Variants in TOX observed in about 807,000 individuals in gnomAD.
The protein encoded by TOX is thymocyte selection associated high mobility group box.
A neutral mutation model predicts 53.7 loss-of-function variants in TOX; 11 were observed. The observed-to-expected ratio is 0.20, with a 90% CI of 0.13 to 0.34. The LOEUF is 0.34. Among genes scored for constraint, TOX ranks in the 10% least tolerant of loss-of-function variants. The pLI, the probability that TOX is intolerant of heterozygous loss-of-function variation, is 1.00. For synonymous variants in TOX, 225 were observed against 245.3 expected (o/e 0.92, Z 0.77); for missense variants, 570 against 664.6 (o/e 0.86, Z 1.56).
chr8:59,023,417 G>A (rs974493074), intron 1 of TOX, among the ~76,000 whole-genome samples: 1 of 145,748 alleles, frequency 6.9e-6, no homozygotes, highest in Admixed American at 6.9e-5. Flanking sequence ...ATTTTATCTG[G>A]TCAGTCTCTG....
chr8:58,892,043 G>GA lies in TOX; in HGVS notation c.412-40239dup, dbSNP rs376356450. Among the ~76,000 whole-genome samples the GA allele has an allele frequency of 3.6e-3, 541 of 151,120 alleles. 2 individuals are homozygous for GA. Among genetic ancestry groups the GA allele is most frequent in the African/African-American group, 0.012 (481 of 41,188 alleles). ...AATGAGACTGATATTGTGTGAGAGG[G>GA]AAAAAAAAACTCTGCCATTCCTGGG... On this transcript the variant is annotated intron_variant, in intron 3 of 8. Transcript: ENST00000361421.
intron 1 of TOX, among the ~76,000 whole-genome samples, chr8:59,081,935 A>G (rs1280963829): frequency 6.6e-6 from 1 of 152,242 alleles, no homozygotes; most frequent in Non-Finnish European, 1.5e-5. Context: ...TCATTTTCCC[A>G]CAACTTAAAA....
At chr8:58,867,566 A>T (rs1200268943) in intron 3 of TOX, among the ~76,000 whole-genome samples, 1 of 152,230 alleles carries the variant, frequency 6.6e-6, no homozygotes, top group Non-Finnish European at 1.5e-5. Flanking sequence ...GCATAACCAC[A>T]ATCTAACATT....
chr8:58,956,880 TG>T (rs1354353155), intron 2 of TOX, among the ~76,000 whole-genome samples: 3 of 152,230 alleles, frequency 2.0e-5, no homozygotes, highest in Non-Finnish European at 2.9e-5. Context: ...CCCAAAGTGC[TG>T]GGATTACAGG....
At chr8:58,989,721 A>T (rs1306004778) in intron 1 of TOX, among the ~76,000 whole-genome samples, 1 of 152,240 alleles carries the variant, frequency 6.6e-6, no homozygotes, top group Non-Finnish European at 1.5e-5. Context: ...TGTGTTAGTT[A>T]TTAATATAAG....
At chr8:58,906,771 T>C (rs1184180142) in intron 3 of TOX, among the ~76,000 whole-genome samples, 1 of 152,196 alleles carries the variant, frequency 6.6e-6, no homozygotes, top group African/African-American at 2.4e-5. Flanking sequence ...CATATTCTCT[T>C]TTAAAAAGGC....
chr8:58,901,670 A>G (rs1563384024), intron 3 of TOX, among the ~76,000 whole-genome samples: 3 of 152,160 alleles, frequency 2.0e-5, no homozygotes. Flanking sequence ...AAATAAATCT[A>G]AAGAAAGAAA....
intron 3 of TOX, among the ~76,000 whole-genome samples, chr8:58,933,574 G>T (rs1393066206): frequency 1.3e-5 from 2 of 151,358 alleles, no homozygotes; most frequent in Admixed American, 6.6e-5. Context: ...GAAGGGGGGT[G>T]GGGGGTGCAG....
At chr8:59,104,151 G>T (rs1804854449) in intron 1 of TOX, among the ~76,000 whole-genome samples, 1 of 152,144 alleles carries the variant, frequency 6.6e-6, no homozygotes, top group Admixed American at 6.5e-5. Flanking sequence ...TACTAGAAAT[G>T]AACATTAGCC....
intron 1 of TOX, among the ~76,000 whole-genome samples, chr8:59,062,553 T>C (rs1006766641): frequency 6.6e-6 from 1 of 152,200 alleles, no homozygotes; most frequent in African/African-American, 2.4e-5. Context: ...TGTGCTTCAA[T>C]AGAATGGCTC....
intron 1 of TOX, among the ~76,000 whole-genome samples, chr8:59,002,218 C>T (rs911192919): frequency 4.7e-5 from 7 of 148,030 alleles, no homozygotes; most frequent in Non-Finnish European, 1.0e-4. Context: ...GGGTGATCTG[C>T]CCACCTCGGC....
intron 3 of TOX, among the ~76,000 whole-genome samples, chr8:58,934,092 T>C (rs1216933328): frequency 6.6e-6 from 1 of 152,238 alleles, no homozygotes; most frequent in African/African-American, 2.4e-5. Flanking sequence ...TATTGGGTCA[T>C]GAATGACTGT....
intron 1 of TOX, among the ~76,000 whole-genome samples, chr8:59,035,093 C>A (rs920698392): frequency 3.3e-5 from 5 of 152,268 alleles, no homozygotes; most frequent in Admixed American, 2.6e-4. Flanking sequence ...AACTGCACCG[C>A]AACCACCCCA....
intron 1 of TOX, among the ~76,000 whole-genome samples, chr8:59,110,288 G>A (rs537388882): frequency 2.5e-4 from 38 of 152,174 alleles, no homozygotes; most frequent in African/African-American, 9.2e-4. Context: ...TTTGTTGAAA[G>A]GTTATCCTGC....
chr8:59,003,726 G>T (rs1315018838), intron 1 of TOX, among the ~76,000 whole-genome samples: 1 of 152,052 alleles, frequency 6.6e-6, no homozygotes, highest in Non-Finnish European at 1.5e-5. Context: ...GGACTTTCTG[G>T]GAATCATTTT....
intron 1 of TOX, among the ~76,000 whole-genome samples, chr8:59,073,911 C>T (rs1408510511): frequency 6.6e-6 from 1 of 152,172 alleles, no homozygotes; most frequent in Non-Finnish European, 1.5e-5. Flanking sequence ...TTACGAAAAA[C>T]AAAGCATTAC....
chr8:59,053,546 T>TTATAA (rs1803832127), intron 1 of TOX, among the ~76,000 whole-genome samples: 1 of 152,250 alleles, frequency 6.6e-6, no homozygotes, highest in Non-Finnish European at 1.5e-5. Flanking sequence ...AACGTAGTCT[T>TTATAA]TATAACATGT....
At chr8:59,086,032 C>G (rs1268300462) in intron 1 of TOX, among the ~76,000 whole-genome samples, 2 of 127,850 alleles carry the variant, frequency 1.6e-5, no homozygotes, top group Non-Finnish European at 3.1e-5. Context: ...GTTGTCCAGG[C>G]TGGGGTGCAA....
chr8:58,826,445 G>T (rs1490291570), intron 6 of TOX, among the ~76,000 whole-genome samples: 1 of 152,192 alleles, frequency 6.6e-6, no homozygotes, highest in East Asian at 1.9e-4. Context: ...TCCTAATGCT[G>T]CTGTAATGAG....
Sources: gnomAD v4.1 joint callset for allele counts (sites outside exome capture counted in the v4.1 genomes callset) on GRCh38, gnomAD v4.1.1 for gene constraint, MANE v1.5 for transcripts, NCBI Gene and HGNC (gene_info 2026-07-23, HGNC 2026-07-21) for gene names.